Variants in ENPP2 observed in about 807,000 individuals in gnomAD.
The protein encoded by ENPP2 is ectonucleotide pyrophosphatase/phosphodiesterase 2.
Under a neutral mutation model 120.2 loss-of-function variants are expected in ENPP2, and 51 were observed. That is an observed-to-expected ratio of 0.42 (90% CI 0.34 to 0.54). The LOEUF is 0.54. Ranked by LOEUF, ENPP2 falls within the 20% of genes least tolerant of loss-of-function variation. The probability of loss-of-function intolerance (pLI) is 0.04; values close to 1 mark genes in which losing one functional copy is unlikely to be tolerated. For synonymous variants in ENPP2, 365 were observed against 366.4 expected (o/e 1.00, Z 0.04); for missense variants, 920 against 1,066.5 (o/e 0.86, Z 1.91).
chr8:119,648,421 C>G (rs1475943557), intron 1 of ENPP2, among the ~76,000 whole-genome samples: 1 of 152,122 alleles, frequency 6.6e-6, no homozygotes, highest in Non-Finnish European at 1.5e-5. Flanking sequence ...AGAAAATGAG[C>G]AGCTCTTATG....
chr8:119,570,564 C>T, intron 20 of ENPP2, 141 bp downstream of exon 20: 2 of 542,382 alleles, frequency 3.7e-6, no homozygotes, highest in South Asian at 2.9e-5. Flanking sequence ...AAATATCTTA[C>T]AATAAATCCA....
chr8:119,610,181 A>T (rs78737237), intron 8 of ENPP2, among the ~76,000 whole-genome samples: 1 of 152,294 alleles, frequency 6.6e-6, no homozygotes, highest in South Asian at 2.1e-4. Context: ...GAAAAAAAAA[A>T]CTAACCAATT....
At chr8:119,653,381 AAG>A (rs1255787054) in intron 1 of ENPP2, among the ~76,000 whole-genome samples, 1 of 152,250 alleles carries the variant, frequency 6.6e-6, no homozygotes, top group Non-Finnish European at 1.5e-5. Flanking sequence ...ATAAAGAAAA[AAG>A]AGCACAAGAG....
At chr8:119,585,676 T>C (rs891029167) in intron 15 of ENPP2, among the ~76,000 whole-genome samples, 3 of 152,122 alleles carry the variant, frequency 2.0e-5, no homozygotes, top group African/African-American at 7.2e-5. Context: ...TCTTCAACAT[T>C]GGAGAGTGTT....
intron 2 of ENPP2, among the ~76,000 whole-genome samples, chr8:119,629,323 C>T (rs1252638297): frequency 6.6e-6 from 1 of 151,644 alleles, no homozygotes; most frequent in Admixed American, 6.6e-5. Flanking sequence ...TATTGACATG[C>T]GATTTATAAT....
Position 119,600,693 on chromosome 8 carries a change from G to A in ENPP2, c.957C>T (p.Gly319=), listed in dbSNP as rs1814236056. The A allele has an allele frequency of 1.9e-6, 3 of 1,611,054 alleles. No individual in the cohort carries two copies. The highest frequency in any genetic ancestry group is 2.5e-6 in the Non-Finnish European group (3 of 1,177,270). The change falls in exon 11 of 25, where the codon GGC becomes GGT. Residue 319 remains glycine (G), a synonymous_variant. Transcript: ENST00000075322. ...EQPDFSGHKY[G]PFGPEMTNPL... The stretch of plus-strand genomic sequence containing the variant: ...AACCACTAACCTCAGGGCCGAAAGG[G>A]CCATATTTGTGTCCAGAGAAATCAG...
At chr8:119,618,379 A>C (rs1257300837) in intron 5 of ENPP2, 1 of 468,288 alleles carries the variant, frequency 2.1e-6, no homozygotes, top group Non-Finnish European at 4.3e-6. Flanking sequence ...GACCATGGAG[A>C]TTTGACCCAG....
chr8:119,624,968 A>G (rs1816170598), intron 3 of ENPP2, among the ~76,000 whole-genome samples: 1 of 152,220 alleles, frequency 6.6e-6, no homozygotes, highest in Non-Finnish European at 1.5e-5. Context: ...GAAATGGACT[A>G]TAAGATATTA....
chr8:119,625,883 A>G (rs911352402), intron 3 of ENPP2, among the ~76,000 whole-genome samples: 1 of 152,180 alleles, frequency 6.6e-6, no homozygotes, highest in African/African-American at 2.4e-5. Flanking sequence ...GAAAGTCACA[A>G]AAAGTGTGGA....
intron 19 of ENPP2, among the ~76,000 whole-genome samples, chr8:119,578,178 G>T (rs542505275): frequency 6.6e-6 from 1 of 152,054 alleles, no homozygotes; most frequent in Non-Finnish European, 1.5e-5. Flanking sequence ...AGTCTCCCAC[G>T]TAGCTGGGAT....
chr8:119,618,229 G>T (rs1269687333), intron 5 of ENPP2: 3 of 472,004 alleles, frequency 6.4e-6, no homozygotes, highest in Non-Finnish European at 1.3e-5. Context: ...TGCCTGCGAA[G>T]ATCATTTTTG....
At chr8:119,615,122 G>A (rs1815371646) in intron 8 of ENPP2, among the ~76,000 whole-genome samples, 1 of 152,018 alleles carries the variant, frequency 6.6e-6, no homozygotes, top group Non-Finnish European at 1.5e-5. Context: ...TCCATAAATT[G>A]CAGCAAAAGA....
Position 119,582,584 on chromosome 8 carries a change from G to A in ENPP2, c.1562C>T (p.Pro521Leu). The A allele has an allele frequency of 6.2e-7, 1 of 1,612,474 alleles. No homozygotes were observed. Among genetic ancestry groups the A allele is most frequent in the Non-Finnish European group, 8.5e-7 (1 of 1,178,746 alleles). Residue 521 changes from proline (P) to leucine (L), a missense_variant, in exon 18 of 25, where the codon CCA (proline) becomes CTA (leucine). Pro to Leu is a moderately conservative substitution (Grantham distance 98). Transcript: ENST00000075322. ...TCCATGGGTCCCATTATTAGGAGCT[G>A]GCTTCAATCCCAGGAGATCTAATGA... is the stretch of plus-strand genomic sequence containing the variant. ...NVMCDLLGLK[P>L]APNNGTHGSL... is the part of the protein sequence containing the mutation.
At chr8:119,645,563 G>A (rs1412226978) in intron 1 of ENPP2, among the ~76,000 whole-genome samples, 5 of 152,084 alleles carry the variant, frequency 3.3e-5, no homozygotes, top group Admixed American at 6.5e-5. Flanking sequence ...GGTGGCTCAC[G>A]CCTGTAATCC....
intron 23 of ENPP2, among the ~76,000 whole-genome samples, chr8:119,564,384 T>A (rs2129967832): frequency 6.6e-6 from 1 of 152,164 alleles, no homozygotes; most frequent in Non-Finnish European, 1.5e-5. Context: ...ATCAAAAGAA[T>A]TGATAAATTC....
In ENPP2 at chr8:119,671,209, G is replaced by A. The variant is rs1455184205; in HGVS notation, c.21+2043C>T. 2.0e-5 allele frequency among the ~76,000 whole-genome samples: 3 copies of A among 152,064 alleles called. 1 individual carries two copies. The highest frequency in any genetic ancestry group is 4.8e-5 in the African/African-American group (2 of 41,414). ...CCAGCTACTTGGGAGGCTGAGGCAG[G>A]AGAATTGCTTGAACCCGGGAGGTGG... On this transcript the variant is annotated intron_variant, in intron 1 of 25. Coordinates refer to the ENPP2 transcript ENST00000427067.
chr8:119,584,268 T>A (rs531373784), intron 15 of ENPP2, among the ~76,000 whole-genome samples: 1 of 152,310 alleles, frequency 6.6e-6, no homozygotes, highest in South Asian at 2.1e-4. Flanking sequence ...ACCTGTGAAC[T>A]GAAGTCACGA....
At chr8:119,665,991 T>C (rs1290065120) in intron 1 of ENPP2, among the ~76,000 whole-genome samples, 1 of 152,182 alleles carries the variant, frequency 6.6e-6, no homozygotes, top group Non-Finnish European at 1.5e-5. Flanking sequence ...GGCAGCTACA[T>C]CTAGAATACA....
At chr8:119,649,153 G>C (rs1335038975) in intron 1 of ENPP2, among the ~76,000 whole-genome samples, 1 of 151,954 alleles carries the variant, frequency 6.6e-6, no homozygotes, top group African/African-American at 2.4e-5. Context: ...CAGCAATTTG[G>C]GAGGCGGAGG....
Sources: allele counts gnomAD v4.1 joint callset (sites outside exome capture counted in the v4.1 genomes callset), GRCh38; gene constraint gnomAD v4.1.1; transcripts MANE v1.5; gene names NCBI Gene and HGNC (gene_info 2026-07-23, HGNC 2026-07-21).